Variants in ACTR3C observed in about 807,000 individuals in gnomAD.
ACTR3C encodes actin-related protein 3C.
ACTR3C carries 18 observed loss-of-function variants against 26.3 expected under a neutral mutation model. The observed-to-expected ratio is 0.68, with a 90% confidence interval of 0.47 to 1.01. The LOEUF is 1.01. ACTR3C is among the 50% of genes least tolerant of loss of function. ACTR3C has a pLI of 0.00. For missense variants in ACTR3C, 184 were observed against 250.7 expected (o/e 0.73, Z 1.80); for synonymous variants, 55 against 94.5 (o/e 0.58, Z 2.42).
At chr7:150,042,836 T>A in the ACTR3C span, among the ~76,000 whole-genome samples, 1 of 151,168 alleles carries the variant, frequency 6.6e-6, no homozygotes, top group South Asian at 2.1e-4. Context: ...AAAGTCCAGC[T>A]GCCATCTTTT....
At chr7:149,968,488 G>A in the ACTR3C span, among the ~76,000 whole-genome samples, 3 of 152,308 alleles carry the variant, frequency 2.0e-5, no homozygotes, top group Non-Finnish European at 2.9e-5. Context: ...AGCTGAGATT[G>A]TACCACTGCA....
the ACTR3C span, among the ~76,000 whole-genome samples, chr7:149,908,439 C>T: frequency 4.6e-5 from 7 of 152,004 alleles, no homozygotes; most frequent in African/African-American, 9.7e-5. Context: ...AGCAAGGAAC[C>T]GGAATGAGGT....
At chr7:150,038,960 GT>G in the ACTR3C span, among the ~76,000 whole-genome samples, 17 of 98,658 alleles carry the variant, frequency 1.7e-4, 5 homozygotes, top group Non-Finnish European at 3.0e-4. Context: ...CACTCTTGTG[GT>G]GGGTGCCTCC....
chr7:150,020,578 G>A, the ACTR3C span, among the ~76,000 whole-genome samples: 7 of 152,062 alleles, frequency 4.6e-5, no homozygotes, highest in Admixed American at 1.3e-4. Flanking sequence ...TGCTTAAAAA[G>A]AAGAAGCCAC....
At chr7:149,972,325 T>C in the ACTR3C span, among the ~76,000 whole-genome samples, 10 of 152,382 alleles carry the variant, frequency 6.6e-5, no homozygotes, top group African/African-American at 9.6e-5. Flanking sequence ...TTGTTTGGGA[T>C]ATTTTTGAAA....
chr7:150,190,705 T>C, the ACTR3C span, among the ~76,000 whole-genome samples: 1 of 152,212 alleles, frequency 6.6e-6, no homozygotes, highest in African/African-American at 2.4e-5. Flanking sequence ...GAACTGTATA[T>C]CTATCTGTAT....
At chr7:150,168,391 G>A in the ACTR3C span, among the ~76,000 whole-genome samples, 2 of 150,886 alleles carry the variant, frequency 1.3e-5, 1 homozygote, top group African/African-American at 5.0e-5. Context: ...ATCCTTATGA[G>A]AATCTAATAC....
At chr7:149,985,170 C>T in the ACTR3C span, among the ~76,000 whole-genome samples, 485 of 147,380 alleles carry the variant, frequency 3.3e-3, 4 homozygotes, top group African/African-American at 0.011. Flanking sequence ...TCAGAAGAGA[C>T]ATCTAATTTC....
the ACTR3C span, among the ~76,000 whole-genome samples, chr7:150,039,218 G>C: frequency 4.0e-5 from 6 of 148,308 alleles, no homozygotes; most frequent in Admixed American, 3.3e-4. Flanking sequence ...TGCGATGGGG[G>C]TCCTAAGAGC....
intron 6 of ACTR3C, among the ~76,000 whole-genome samples, chr7:150,254,801 T>C (rs1833093263): frequency 6.6e-6 from 1 of 152,208 alleles, no homozygotes; most frequent in African/African-American, 2.4e-5. Context: ...GTTATATCAA[T>C]GACTGGCTTT....
chr7:150,093,086 AC>A, the ACTR3C span, among the ~76,000 whole-genome samples: 3 of 151,476 alleles, frequency 2.0e-5, no homozygotes, highest in African/African-American at 7.4e-5. Flanking sequence ...CACTCTAAGT[AC>A]TTGCGGCCTC....
the ACTR3C span, among the ~76,000 whole-genome samples, chr7:150,113,225 G>A: frequency 1.2e-4 from 18 of 146,580 alleles, no homozygotes; most frequent in Non-Finnish European, 2.1e-4. Context: ...GAATGAGACT[G>A]ACATTTAGTT....
At chr7:150,262,831 A>G (rs1264645969) in intron 6 of ACTR3C, among the ~76,000 whole-genome samples, 1 of 152,268 alleles carries the variant, frequency 6.6e-6, no homozygotes, top group African/African-American at 2.4e-5. Context: ...CCAGGATTTC[A>G]GATGGGTATT....
the ACTR3C span, chr7:150,001,930 AC>A: frequency 2.0e-4 from 31 of 152,344 alleles, no homozygotes; most frequent in African/African-American, 7.5e-4. Flanking sequence ...GCAGGAAGTG[AC>A]CTTTGGAAAC....
intron 6 of ACTR3C, among the ~76,000 whole-genome samples, chr7:150,257,330 G>C (rs1252575293): frequency 1.3e-5 from 2 of 152,158 alleles, no homozygotes; most frequent in African/African-American, 4.8e-5. Flanking sequence ...CAATTAGGAA[G>C]ACCTAATTTT....
the ACTR3C span, among the ~76,000 whole-genome samples, chr7:149,991,751 GAC>G: frequency 1.3e-5 from 2 of 152,150 alleles, no homozygotes; most frequent in Non-Finnish European, 2.9e-5. Flanking sequence ...TTGTTTTTTA[GAC>G]AGAGTCTCAC....
chr7:150,170,716 G>A, the ACTR3C span, among the ~76,000 whole-genome samples: 1 of 150,596 alleles, frequency 6.6e-6, no homozygotes, highest in Non-Finnish European at 1.5e-5. Flanking sequence ...GACATTTCAA[G>A]GGTTTAAAGG....
At chr7:150,208,116 G>A in the ACTR3C span, among the ~76,000 whole-genome samples, 1 of 152,188 alleles carries the variant, frequency 6.6e-6, no homozygotes, top group Admixed American at 6.5e-5. Context: ...GGGAGTAAAT[G>A]AGGAGAGTCC....
the ACTR3C span, among the ~76,000 whole-genome samples, chr7:150,212,803 G>A: frequency 1.3e-5 from 2 of 152,014 alleles, no homozygotes; most frequent in Non-Finnish European, 1.5e-5. Context: ...TGGAGAAGAT[G>A]AACCACAAAA....
Sources: allele counts gnomAD v4.1 joint callset (sites outside exome capture counted in the v4.1 genomes callset), GRCh38; gene constraint gnomAD v4.1.1; transcripts MANE v1.5; gene names NCBI Gene and HGNC (gene_info 2026-07-23, HGNC 2026-07-21).